Variants in AGBL4 observed in about 807,000 individuals in gnomAD.
AGBL4 encodes cytosolic carboxypeptidase 6.
Under a neutral mutation model 66.4 loss-of-function variants are expected in AGBL4, and 58 were observed. The observed-to-expected ratio is 0.87, with a 90% confidence interval of 0.71 to 1.09. AGBL4 has a LOEUF of 1.09. Among genes scored for constraint, AGBL4 ranks in the 50% least tolerant of loss-of-function variants. The pLI is 0.00. For synonymous variants in AGBL4, 234 were observed against 222.9 expected (o/e 1.05, Z -0.44); for missense variants, 579 against 631.0 (o/e 0.92, Z 0.88).
intron 1 of AGBL4, among the ~76,000 whole-genome samples, chr1:49,948,110 A>G (rs1378555023): frequency 3.5e-5 from 3 of 85,350 alleles, no homozygotes; most frequent in Admixed American, 1.9e-4. Context: ...ATATATATGT[A>G]AATGTATGTA....
At chr1:49,043,617 A>G (rs1359669982) in intron 5 of AGBL4, among the ~76,000 whole-genome samples, 2 of 152,170 alleles carry the variant, frequency 1.3e-5, no homozygotes, top group South Asian at 4.1e-4. Context: ...TGAGGCTGCC[A>G]TCTGTTTCCT....
chr1:49,465,264 C>T (rs1646605392), intron 3 of AGBL4, among the ~76,000 whole-genome samples: 2 of 141,872 alleles, frequency 1.4e-5, no homozygotes, highest in Admixed American at 1.4e-4. Context: ...CACACACACG[C>T]AGACATGTCA....
chr1:49,247,395 G>T (rs1328409733), intron 3 of AGBL4, among the ~76,000 whole-genome samples: 1 of 151,982 alleles, frequency 6.6e-6, no homozygotes, highest in East Asian at 1.9e-4. Flanking sequence ...TAGGCCTTTT[G>T]GTTTCAGACC....
intron 6 of AGBL4, among the ~76,000 whole-genome samples, chr1:48,811,174 T>TAGTG (rs1646040867): frequency 2.5e-5 from 2 of 79,166 alleles, no homozygotes; most frequent in African/African-American, 1.0e-4. Flanking sequence ...GAGTGCAAGG[T>TAGTG]AGTGGGTGGG....
intron 3 of AGBL4, among the ~76,000 whole-genome samples, chr1:49,676,803 T>C (rs186068626): frequency 1.2e-4 from 18 of 152,146 alleles, no homozygotes; most frequent in Admixed American, 8.5e-4. Flanking sequence ...GCGATATAAA[T>C]GTAATAAAGC....
intron 3 of AGBL4, among the ~76,000 whole-genome samples, chr1:49,469,478 T>G (rs1290929253): frequency 1.3e-5 from 2 of 151,834 alleles, no homozygotes; most frequent in Non-Finnish European, 2.9e-5. Flanking sequence ...CATATTTTAG[T>G]TAGTGCATTA....
intron 4 of AGBL4, among the ~76,000 whole-genome samples, chr1:49,238,722 T>C (rs1445567488): frequency 6.6e-6 from 1 of 152,222 alleles, no homozygotes; most frequent in Non-Finnish European, 1.5e-5. Context: ...TAGGTGATCA[T>C]TGTCTCACAA....
At chr1:49,083,671 T>G (rs1397813341) in intron 4 of AGBL4, among the ~76,000 whole-genome samples, 2 of 152,230 alleles carry the variant, frequency 1.3e-5, no homozygotes, top group Admixed American at 6.5e-5. Context: ...TGGAGACATT[T>G]TGGCTCCTCG....
At chr1:49,365,318 T>A (rs1339463538) in intron 3 of AGBL4, among the ~76,000 whole-genome samples, 1 of 152,078 alleles carries the variant, frequency 6.6e-6, no homozygotes, top group African/African-American at 2.4e-5. Context: ...TTCGAACTTC[T>A]AGGCCTCATC....
intron 3 of AGBL4, among the ~76,000 whole-genome samples, chr1:49,291,782 C>T (rs1398518275): frequency 1.3e-5 from 2 of 152,158 alleles, no homozygotes; most frequent in Non-Finnish European, 2.9e-5. Flanking sequence ...AGCAGGGAGG[C>T]ATGGCTGGGG....
chr1:49,304,992 G>C (rs1338885051), intron 3 of AGBL4, among the ~76,000 whole-genome samples: 2 of 152,090 alleles, frequency 1.3e-5, no homozygotes, highest in Non-Finnish European at 2.9e-5. Flanking sequence ...GTACTTTATA[G>C]ATATTAGTTA....
intron 4 of AGBL4, among the ~76,000 whole-genome samples, chr1:49,193,795 A>G (rs1374203111): frequency 6.6e-6 from 1 of 151,992 alleles, no homozygotes; most frequent in East Asian, 1.9e-4. Context: ...GGCCTCCCCA[A>G]GTCCTGGGAT....
chr1:48,968,788 C>T (rs1658660010), intron 5 of AGBL4, among the ~76,000 whole-genome samples: 1 of 152,056 alleles, frequency 6.6e-6, no homozygotes. Context: ...TTTTCATAAG[C>T]TTGCAACACC....
At chr1:49,794,757 T>C (rs987725053) in intron 2 of AGBL4, among the ~76,000 whole-genome samples, 1 of 151,984 alleles carries the variant, frequency 6.6e-6, no homozygotes, top group Non-Finnish European at 1.5e-5. Flanking sequence ...TAGGAATTCA[T>C]TAAATAATTG....
intron 2 of AGBL4, among the ~76,000 whole-genome samples, chr1:49,825,134 A>T (rs1645474118): frequency 6.6e-6 from 1 of 152,196 alleles, no homozygotes; most frequent in African/African-American, 2.4e-5. Flanking sequence ...CAAAACACTG[A>T]ATGGTTCTAA....
intron 3 of AGBL4, among the ~76,000 whole-genome samples, chr1:49,664,069 A>G (rs1294059352): frequency 6.6e-6 from 1 of 152,056 alleles, no homozygotes; most frequent in Non-Finnish European, 1.5e-5. Flanking sequence ...AGGCCCAAGT[A>G]TGAAAATTAT....
At chr1:49,567,746 T>C (rs1260515971) in intron 3 of AGBL4, among the ~76,000 whole-genome samples, 2 of 152,118 alleles carry the variant, frequency 1.3e-5, no homozygotes, top group Non-Finnish European at 2.9e-5. Flanking sequence ...GCCAGCATCA[T>C]GCTGATACCC....
chr1:49,630,329 G>A (rs1645546667), intron 3 of AGBL4, among the ~76,000 whole-genome samples: 1 of 152,140 alleles, frequency 6.6e-6, no homozygotes, highest in Non-Finnish European at 1.5e-5. Context: ...GATAGCCTTG[G>A]AGTATAGCAT....
intron 2 of AGBL4, among the ~76,000 whole-genome samples, chr1:49,742,046 G>A (rs1414220150): frequency 2.0e-5 from 3 of 152,178 alleles, no homozygotes; most frequent in Non-Finnish European, 1.5e-5. Context: ...GGAAGTTCTG[G>A]CCAGGGCAAT....
Sources: allele counts gnomAD v4.1 joint callset (sites outside exome capture counted in the v4.1 genomes callset), GRCh38; gene constraint gnomAD v4.1.1; transcripts MANE v1.5; gene names NCBI Gene and HGNC (gene_info 2026-07-23, HGNC 2026-07-21).